Variants in MGAT4C observed in about 807,000 individuals in gnomAD.
The protein encoded by MGAT4C is alpha-1,3-mannosyl-glycoprotein 4-beta-N-acetylglucosaminyltransferase C.
In MGAT4C, 19 loss-of-function variants were observed where a neutral mutation model predicts 40.1. The ratio of observed to expected loss-of-function variants is 0.47; its 90% CI spans 0.33 to 0.70. The LOEUF is 0.70. MGAT4C is among the 30% of genes least tolerant of loss of function. The probability of loss-of-function intolerance (pLI) is 0.02; values close to 1 mark genes in which losing one functional copy is unlikely to be tolerated. For synonymous variants in MGAT4C, 181 were observed against 187.1 expected, an observed-to-expected ratio of 0.97 and a Z score of 0.27; for missense variants, 491 against 563.2, an observed-to-expected ratio of 0.87 and a Z score of 1.30.
intron 2 of MGAT4C, among the ~76,000 whole-genome samples, chr12:86,034,013 A>C (rs1890994062): frequency 6.7e-6 from 1 of 149,500 alleles, no homozygotes. Context: ...TGAGGTGATC[A>C]TGTGTTTTTG....
intron 3 of MGAT4C, among the ~76,000 whole-genome samples, chr12:86,386,147 G>A (rs1245323239): frequency 1.3e-5 from 2 of 152,076 alleles, no homozygotes; most frequent in African/African-American, 4.8e-5. Flanking sequence ...AGCCAGGATG[G>A]TCTTGATCTC....
At chr12:86,281,136 T>G (rs1953209307) in intron 4 of MGAT4C, among the ~76,000 whole-genome samples, 1 of 152,144 alleles carries the variant, frequency 6.6e-6, no homozygotes, top group Non-Finnish European at 1.5e-5. Context: ...ATTGGCTCTT[T>G]TTCACTGTGC....
In MGAT4C at chr12:86,118,971, G is replaced by A. The variant is rs758615337; in HGVS notation, c.-56-69248C>T. 2.6e-5 allele frequency among the ~76,000 whole-genome samples: 4 copies of A among 152,010 alleles called. No individual in the cohort carries two copies. In the East Asian group the frequency reaches 5.8e-4, roughly 22 times the overall value. ...AATTTCAATAGATGAGTCATTTTCA[G>A]TAACAAAATTGGATGCATCATATTC... On this transcript the variant is annotated intron_variant, in intron 1 of 4. Transcript: ENST00000611864.
chr12:86,110,296 C>CTATATATATAGTATATATATATAG lies in MGAT4C; in HGVS notation c.-56-60574_-56-60573insCTATATATATATACTATATATATA, dbSNP rs375212206. ...TATATATAGTCTATATATATATAGT[C>CTATATATATAGTATATATATATAG]TCTCTATATATATATATATATAGTC... On this transcript the variant is annotated intron_variant, in intron 1 of 4. Transcript: ENST00000611864. Among the ~76,000 whole-genome samples, 3 of 18,934 alleles carry CTATATATATAGTATATATATATAG rather than the reference C, an allele frequency of 1.6e-4. 1 individual carries two copies. The highest frequency in any genetic ancestry group is 2.8e-4 in the Non-Finnish European group (3 of 10,612). The allele number at this position is 18,934 out of a possible 152,430, so 12.4% of individuals were successfully genotyped here. A position where few individuals can be genotyped will look rare whatever the true frequency, so the allele number is the denominator to read the frequency against.
chr12:86,367,046 A>G (rs953847005), intron 3 of MGAT4C, among the ~76,000 whole-genome samples: 6 of 152,140 alleles, frequency 3.9e-5, no homozygotes, highest in African/African-American at 1.4e-4. Flanking sequence ...AAATAAAGTG[A>G]AAGTATATTT....
intron 2 of MGAT4C, among the ~76,000 whole-genome samples, chr12:85,999,589 A>G (rs912717649): frequency 0.054 from 3,972 of 73,390 alleles, 149 homozygotes; most frequent in African/African-American, 0.13. Flanking sequence ...GTGTGTATAT[A>G]TATATATATA....
intron 3 of MGAT4C, among the ~76,000 whole-genome samples, chr12:86,343,405 T>G (rs1022569314): frequency 2.6e-5 from 4 of 152,232 alleles, no homozygotes; most frequent in Non-Finnish European, 5.9e-5. Context: ...TCTCCTCCCT[T>G]ATGGAATGTG....
At chr12:86,145,057 G>A (rs1364500150) in intron 1 of MGAT4C, among the ~76,000 whole-genome samples, 1 of 152,120 alleles carries the variant, frequency 6.6e-6, no homozygotes, top group African/African-American at 2.4e-5. Context: ...ACAAAAAGCT[G>A]TTTAAATGCA....
At chr12:86,606,040 T>C (rs1273628224) in intron 2 of MGAT4C, among the ~76,000 whole-genome samples, 1 of 152,092 alleles carries the variant, frequency 6.6e-6, no homozygotes, top group African/African-American at 2.4e-5. Context: ...TTTACAAGGC[T>C]GCAGGAAGGA....
intron 2 of MGAT4C, among the ~76,000 whole-genome samples, chr12:86,629,997 G>T (rs887121140): frequency 2.0e-5 from 3 of 152,098 alleles, no homozygotes; most frequent in East Asian, 1.9e-4. Flanking sequence ...AAAATTGATA[G>T]ACCACTAGCA....
chr12:86,417,160 T>A (rs771560174), intron 3 of MGAT4C, among the ~76,000 whole-genome samples: 2 of 152,098 alleles, frequency 1.3e-5, no homozygotes, highest in Non-Finnish European at 2.9e-5. Flanking sequence ...AATAGTTGAA[T>A]ATTTTTTTTT....
intron 4 of MGAT4C, among the ~76,000 whole-genome samples, chr12:86,331,881 T>C (rs1473807300): frequency 6.6e-6 from 1 of 152,178 alleles, no homozygotes; most frequent in Non-Finnish European, 1.5e-5. Flanking sequence ...TTTATAATAG[T>C]ATTTATAAAA....
chr12:86,476,762 A>T (rs544499571), intron 2 of MGAT4C, among the ~76,000 whole-genome samples: 4 of 152,282 alleles, frequency 2.6e-5, no homozygotes, highest in South Asian at 4.1e-4. Context: ...AAGGAAAAAA[A>T]TTATGTCATT....
At chr12:86,109,842 A>T (rs1459982064) in intron 1 of MGAT4C, among the ~76,000 whole-genome samples, 1 of 151,994 alleles carries the variant, frequency 6.6e-6, no homozygotes, top group African/African-American at 2.4e-5. Flanking sequence ...CACTGAGTTA[A>T]TCCATTACAA....
chr12:86,509,510 G>C (rs1958534561), intron 2 of MGAT4C, among the ~76,000 whole-genome samples: 1 of 152,124 alleles, frequency 6.6e-6, no homozygotes, highest in African/African-American at 2.4e-5. Flanking sequence ...CTCCAGCTTT[G>C]TTCTTTTGGC....
chr12:86,645,985 C>A (rs1245742837), intron 2 of MGAT4C, among the ~76,000 whole-genome samples: 2 of 151,532 alleles, frequency 1.3e-5, no homozygotes, highest in Non-Finnish European at 3.0e-5. Flanking sequence ...TTATTTAAAG[C>A]AAAATGAATA....
chr12:86,498,456 T>C (rs1268123445), intron 2 of MGAT4C, among the ~76,000 whole-genome samples: 2 of 151,824 alleles, frequency 1.3e-5, no homozygotes, highest in African/African-American at 4.8e-5. Context: ...AAACATAAAA[T>C]ATATGTAAGA....
At chr12:86,461,307 G>A (rs992321230) in intron 2 of MGAT4C, among the ~76,000 whole-genome samples, 8 of 148,496 alleles carry the variant, frequency 5.4e-5, no homozygotes, top group Admixed American at 1.4e-4. Context: ...CTGCAGTGGC[G>A]CAATCTCGGC....
chr12:86,376,826 G>C (rs1955834140), intron 3 of MGAT4C, among the ~76,000 whole-genome samples: 3 of 114,300 alleles, frequency 2.6e-5, no homozygotes, highest in East Asian at 2.5e-4. Flanking sequence ...GACAGAGAGA[G>C]AGAGAGAGAG....
Sources: allele counts gnomAD v4.1 joint callset (sites outside exome capture counted in the v4.1 genomes callset), GRCh38; gene constraint gnomAD v4.1.1; transcripts MANE v1.5; gene names NCBI Gene and HGNC (gene_info 2026-07-23, HGNC 2026-07-21).